The following ZNF605 variants were observed in gnomAD, a reference collection of about 807,000 sequenced individuals.
The protein encoded by ZNF605 is zinc finger protein 605.
In ZNF605, 9 loss-of-function variants were observed where a neutral mutation model predicts 7.9. The observed-to-expected ratio is 1.14, with a 90% CI of 0.68 to 1.98. ZNF605 has a LOEUF of 1.98. Among genes scored for constraint, ZNF605 ranks in the 30% most tolerant of loss-of-function variants. The pLI is 0.00. For synonymous variants in ZNF605, 255 were observed against 260.1 expected (o/e 0.98, Z 0.19); for missense variants, 673 against 762.4 (o/e 0.88, Z 1.38).
intron 2 of ZNF605, among the ~76,000 whole-genome samples, chr12:132,946,803 C>G (rs1593600110): frequency 6.6e-6 from 1 of 152,218 alleles, no homozygotes; most frequent in Non-Finnish European, 1.5e-5. Context: ...GAGCGCCCCT[C>G]TGCTTCAACT....
intron 4 of ZNF605, among the ~76,000 whole-genome samples, chr12:132,929,191 T>C (rs1368990073): frequency 3.3e-5 from 5 of 151,960 alleles, no homozygotes; most frequent in Non-Finnish European, 5.9e-5. Context: ...GTGGATCACT[T>C]GACCCCAGGA....
In ZNF605 at chr12:132,921,698, G is replaced by A. The variant is rs1483642861; in HGVS notation, c.*3675C>T. On this transcript the variant is annotated 3_prime_UTR_variant, in exon 5 of 5. Coordinates refer to ENST00000360187, the MANE Select transcript of ZNF605 (RefSeq NM_183238.4). ...ATAGAAAACATGTATAAAAATCTTCGAAATGCAGGTTAAAATGCAAATCCA... is the reference window on the plus strand; with the variant it reads ...ATAGAAAACATGTATAAAAATCTTCAAAATGCAGGTTAAAATGCAAATCCA... 2 of 152,166 alleles carry A rather than the reference G, an allele frequency of 1.3e-5. No individual in the cohort carries two copies. Among genetic ancestry groups the A allele is most frequent in the Non-Finnish European group, 2.9e-5 (2 of 68,030 alleles). The allele number at this position is 152,166 out of a possible 1,614,324, so 9.4% of individuals were successfully genotyped here.
intron 3 of ZNF605, chr12:132,945,242 G>T: frequency 3.0e-6 from 2 of 657,284 alleles, no homozygotes; most frequent in Non-Finnish European, 5.3e-6. Flanking sequence ...GGGATTACAG[G>T]CATGAGCCAC....
At chr12:132,929,742 C>T (rs1952287025) in intron 4 of ZNF605, among the ~76,000 whole-genome samples, 2 of 151,998 alleles carry the variant, frequency 1.3e-5, no homozygotes, top group African/African-American at 4.8e-5. Flanking sequence ...GTCAAGGGAT[C>T]GAGACCAGCC....
intron 3 of ZNF605, among the ~76,000 whole-genome samples, chr12:132,935,692 A>C (rs1367216172): frequency 6.6e-6 from 1 of 152,004 alleles, no homozygotes; most frequent in Admixed American, 6.6e-5. Flanking sequence ...GGAGATCGAG[A>C]CCATCCTGGC....
At chr12:132,934,703 TA>T (rs1287567047) in intron 3 of ZNF605, among the ~76,000 whole-genome samples, 3,425 of 25,468 alleles carry the variant, frequency 0.13, 135 homozygotes, top group African/African-American at 0.25. Flanking sequence ...AGATTCCGTC[TA>T]AAAAAAAAAA....
At chr12:132,954,365 C>T (rs73431777) in intron 1 of ZNF605, among the ~76,000 whole-genome samples, 15,852 of 36,998 alleles carry the variant, frequency 0.43, 1,748 homozygotes, top group East Asian at 0.61. Context: ...GGGTGGGGAG[C>T]GGGGGAGAAG....
chr12:132,942,685 A>G (rs942384175), intron 3 of ZNF605, among the ~76,000 whole-genome samples: 11 of 152,142 alleles, frequency 7.2e-5, no homozygotes, highest in African/African-American at 2.4e-4. Context: ...CTGGGATTGC[A>G]CTCAGGACCT....
intron 1 of ZNF605, among the ~76,000 whole-genome samples, chr12:132,950,390 C>G (rs1480125955): frequency 6.6e-6 from 1 of 152,118 alleles, no homozygotes; most frequent in Non-Finnish European, 1.5e-5. Context: ...GACATGCGCA[C>G]ACACTCACGG....
chr12:132,931,940 G>A (rs1234623957), intron 4 of ZNF605, among the ~76,000 whole-genome samples: 1 of 152,136 alleles, frequency 6.6e-6, no homozygotes, highest in Non-Finnish European at 1.5e-5. Flanking sequence ...TTTTGTGTGT[G>A]TGTGTTTTTG....
At chr12:132,931,440 T>C (rs1302351676) in intron 4 of ZNF605, among the ~76,000 whole-genome samples, 1 of 152,196 alleles carries the variant, frequency 6.6e-6, no homozygotes, top group African/African-American at 2.4e-5. Flanking sequence ...GTTACTATAC[T>C]ATAGATGCTA....
chr12:132,934,202 CT>C (rs1415927481), intron 3 of ZNF605, among the ~76,000 whole-genome samples: 2 of 152,042 alleles, frequency 1.3e-5, no homozygotes, highest in African/African-American at 4.8e-5. Context: ...TCACTTGAAC[CT>C]GGGAGGTGGA....
chr12:132,954,621 A>C (rs1323240824), intron 1 of ZNF605, among the ~76,000 whole-genome samples: 1 of 151,098 alleles, frequency 6.6e-6, no homozygotes, highest in Non-Finnish European at 1.5e-5. Context: ...CCAGTCACTC[A>C]ATGCCCAGGG....
Position 132,920,138 on chromosome 12 carries a change from C to A in ZNF605, c.*5235G>T, listed in dbSNP as rs1593574513. ...CAGGTGTGAGCCACCGCGCCCAGCG[C>A]CTGATTTATTTATTTTTTTGAGACA... On this transcript the variant is annotated 3_prime_UTR_variant, in exon 5 of 5. Coordinates refer to ENST00000360187, the MANE Select transcript of ZNF605 (RefSeq NM_183238.4). 1 of 141,926 alleles carries A rather than the reference C, an allele frequency of 7.0e-6. No individual in the cohort carries two copies. The highest frequency in any genetic ancestry group is 1.5e-5 in the Non-Finnish European group (1 of 65,332). 8.8% of individuals were successfully genotyped at this position (141,926 alleles called of 1,614,324 possible). A position where few individuals can be genotyped will look rare whatever the true frequency, so the allele number is the denominator to read the frequency against.
intron 1 of ZNF605, among the ~76,000 whole-genome samples, chr12:132,951,549 C>T (rs1315170335): frequency 6.6e-6 from 1 of 151,560 alleles, no homozygotes; most frequent in Non-Finnish European, 1.5e-5. Flanking sequence ...CACACACATA[C>T]ACACACTGAT....
intron 4 of ZNF605, chr12:132,932,765 T>C (rs1566232019): frequency 2.0e-6 from 3 of 1,536,838 alleles, no homozygotes; most frequent in Non-Finnish European, 2.6e-6. Flanking sequence ...GATCTTGTTG[T>C]TCCAGTTTGA....
At chr12:132,950,611 AAGAC>A (rs568125881) in intron 1 of ZNF605, among the ~76,000 whole-genome samples, 1,540 of 151,128 alleles carry the variant, frequency 0.01, 12 homozygotes, top group Middle Eastern at 0.021. Context: ...CACACACACA[AAGAC>A]AGGCATACAC....
At chr12:132,937,640 T>G (rs1258839201) in intron 3 of ZNF605, among the ~76,000 whole-genome samples, 2 of 152,202 alleles carry the variant, frequency 1.3e-5, no homozygotes, top group African/African-American at 2.4e-5. Context: ...GGCAGTTTCT[T>G]ATAAAGTTGA....
chr12:132,926,588 C>A lies in ZNF605; in HGVS notation c.711G>T (p.Lys237Asn). 1 of 1,614,170 alleles carries A rather than the reference C, an allele frequency of 6.2e-7. No individual in the cohort carries two copies. Among genetic ancestry groups the A allele is most frequent in the Non-Finnish European group, 8.5e-7 (1 of 1,180,016 alleles). ...TTCTCTGATGTAAAATGAGGAGTGA[C>A]TTCCTACTAAAAGCTTTCTGACATT... ...CSECQKAFSR[K>N]SLLILHQRIH... The change falls in exon 5 of 5, where the codon AAG (lysine) becomes AAT (asparagine). Residue 237 changes from lysine to asparagine, a missense_variant. By Grantham distance (94) the Lys-to-Asn change is moderately conservative. Coordinates refer to ENST00000360187, the MANE Select transcript of ZNF605 (RefSeq NM_183238.4).
Sources: allele counts gnomAD v4.1 joint callset (sites outside exome capture counted in the v4.1 genomes callset), GRCh38; gene constraint gnomAD v4.1.1; transcripts MANE v1.5; gene names NCBI Gene and HGNC (gene_info 2026-07-23, HGNC 2026-07-21).